Variants in GALNTL6 observed in about 807,000 individuals in gnomAD.
GALNTL6 encodes the protein polypeptide N-acetylgalactosaminyltransferase-like 6.
In GALNTL6, 46 loss-of-function variants were observed where a neutral mutation model predicts 73.7. The observed-to-expected ratio is 0.62, with a 90% CI of 0.49 to 0.80. The LOEUF is 0.80. Among genes scored for constraint, GALNTL6 ranks in the 30% least tolerant of loss-of-function variants. The pLI is 0.00. For missense variants in GALNTL6, 604 were observed against 755.0 expected, an observed-to-expected ratio of 0.80 and a Z score of 2.34; for synonymous variants, 259 against 263.7, an observed-to-expected ratio of 0.98 and a Z score of 0.17.
intron 5 of GALNTL6, among the ~76,000 whole-genome samples, chr4:172,472,777 A>G (rs1372050598): frequency 6.6e-6 from 1 of 152,172 alleles, no homozygotes; most frequent in African/African-American, 2.4e-5. Flanking sequence ...CAGAGGCTGG[A>G]AAAGGCAAGA....
At chr4:172,037,836 G>C (rs566242943) in intron 2 of GALNTL6, among the ~76,000 whole-genome samples, 1 of 152,250 alleles carries the variant, frequency 6.6e-6, no homozygotes, top group Non-Finnish European at 1.5e-5. Flanking sequence ...AAATTCTAGA[G>C]ACCGGGAGCG....
chr4:172,614,517 AGT>A (rs1345343592), intron 5 of GALNTL6, among the ~76,000 whole-genome samples: 1 of 152,166 alleles, frequency 6.6e-6, no homozygotes, highest in African/African-American at 2.4e-5. Flanking sequence ...GCAGAAGAAA[AGT>A]GTTTTTCACA....
intron 2 of GALNTL6, among the ~76,000 whole-genome samples, chr4:172,145,603 A>G (rs1319511136): frequency 6.6e-6 from 1 of 152,182 alleles, no homozygotes; most frequent in Non-Finnish European, 1.5e-5. Context: ...TTAAAAGGTT[A>G]TCTGTTTTAC....
chr4:172,332,571 C>G (rs1045920944), intron 4 of GALNTL6, among the ~76,000 whole-genome samples: 1 of 151,454 alleles, frequency 6.6e-6, no homozygotes, highest in African/African-American at 2.4e-5. Flanking sequence ...TGAAATTTGT[C>G]TACCTTATTT....
intron 8 of GALNTL6, among the ~76,000 whole-genome samples, chr4:172,927,136 G>C (rs529939444): frequency 6.6e-6 from 1 of 152,128 alleles, no homozygotes; most frequent in African/African-American, 2.4e-5. Flanking sequence ...AATTACTCAG[G>C]CTCTGAGGGA....
At chr4:172,479,074 A>G (rs567087742) in intron 5 of GALNTL6, among the ~76,000 whole-genome samples, 11 of 152,328 alleles carry the variant, frequency 7.2e-5, no homozygotes, top group African/African-American at 2.4e-4. Flanking sequence ...GGGAATGTGA[A>G]TTAGTACAGC....
At chr4:172,188,497 C>T (rs748943091) in intron 2 of GALNTL6, among the ~76,000 whole-genome samples, 1 of 152,176 alleles carries the variant, frequency 6.6e-6, no homozygotes, top group African/African-American at 2.4e-5. Context: ...ACGGTGTCTG[C>T]TCTCTTGGAT....
chr4:172,962,620 C>T (rs1750135928), intron 10 of GALNTL6, among the ~76,000 whole-genome samples: 1 of 152,100 alleles, frequency 6.6e-6, no homozygotes, highest in Admixed American at 6.5e-5. Flanking sequence ...CCACAAACCT[C>T]CAGCAATGTA....
At position 172,817,414 on chromosome 4, in the gene GALNTL6, C is replaced by T. The variant is rs1182335045; in HGVS notation, c.923+3691C>T. ...CCACTGCATTCAACCTGGGTGAGAC[C>T]CTATTGCAAAAAAAAAAAGTTGAAT... On this transcript the variant is annotated intron_variant, in intron 7 of 12. Transcript: ENST00000506823. Among the ~76,000 whole-genome samples the T allele has an allele frequency of 2.0e-5, 3 of 151,044 alleles. No homozygotes were observed. In the East Asian group the frequency reaches 5.8e-4, roughly 29 times the overall value.
At chr4:171,838,206 C>T (rs1050661405) in intron 2 of GALNTL6, among the ~76,000 whole-genome samples, 9 of 152,022 alleles carry the variant, frequency 5.9e-5, no homozygotes, top group East Asian at 1.9e-4. Flanking sequence ...TCACTGCAAC[C>T]TCTGTCTCCC....
At chr4:172,333,194 T>C (rs576706643) in intron 4 of GALNTL6, among the ~76,000 whole-genome samples, 1 of 152,110 alleles carries the variant, frequency 6.6e-6, no homozygotes, top group East Asian at 1.9e-4. Context: ...TCACCTGAGG[T>C]TGGGAGTTCG....
rs1560967582 is a variant in GALNTL6, at chr4:172,809,530, GC to G, written c.724del (p.Leu242CysfsTer10). 2 of 1,612,672 alleles carry G rather than the reference GC, an allele frequency of 1.2e-6. No individual in the cohort carries two copies. Among genetic ancestry groups the G allele is most frequent in the Non-Finnish European group, 1.7e-6 (2 of 1,179,340 alleles). The part of the protein sequence containing the change: ...DSHCEVNVNW[L>X]PPLLNQIALN... ...CCCACTGCGAGGTCAATGTGAACTG[GC>G]TGCCCCCACTCCTCAGTGAGTACAG... On this transcript the variant is annotated frameshift_variant, in exon 6 of 13. Transcript: ENST00000506823. LOFTEE classifies it high-confidence loss of function. This position sits in a 1 kb window ranked among gnomAD's most constrained non-coding sequence, Gnocchi z 4.4.
intron 11 of GALNTL6, among the ~76,000 whole-genome samples, chr4:173,009,798 C>G (rs1216726620): frequency 6.6e-6 from 1 of 152,162 alleles, no homozygotes; most frequent in Non-Finnish European, 1.5e-5. Flanking sequence ...AACAGCACCC[C>G]AACATGGACT....
At chr4:172,304,565 T>A (rs879280777) in intron 3 of GALNTL6, among the ~76,000 whole-genome samples, 1 of 152,226 alleles carries the variant, frequency 6.6e-6, no homozygotes, top group Non-Finnish European at 1.5e-5. Context: ...TTTCAGCTGC[T>A]TATTGCTCAA....
At chr4:171,989,360 G>T (rs1042851526) in intron 2 of GALNTL6, among the ~76,000 whole-genome samples, 1 of 152,176 alleles carries the variant, frequency 6.6e-6, no homozygotes, top group Non-Finnish European at 1.5e-5. Context: ...CATTCCAGGG[G>T]CTCTGGGAGT....
At chr4:172,501,931 C>T (rs1734275772) in intron 5 of GALNTL6, among the ~76,000 whole-genome samples, 2 of 152,056 alleles carry the variant, frequency 1.3e-5, no homozygotes, top group African/African-American at 2.4e-5. Flanking sequence ...CATTTTAATA[C>T]ACAGTAGATA....
intron 2 of GALNTL6, among the ~76,000 whole-genome samples, chr4:171,972,100 A>G (rs1739589059): frequency 6.6e-6 from 1 of 152,160 alleles, no homozygotes; most frequent in Non-Finnish European, 1.5e-5. Context: ...TGCTTCTGTC[A>G]TGTTTGTTAA....
At chr4:172,946,925 G>T (rs1366033082) in intron 9 of GALNTL6, among the ~76,000 whole-genome samples, 1 of 152,146 alleles carries the variant, frequency 6.6e-6, no homozygotes, top group African/African-American at 2.4e-5. Context: ...CAATGAGAAA[G>T]ATGAATTGCC....
intron 2 of GALNTL6, among the ~76,000 whole-genome samples, chr4:172,134,081 A>G (rs556909039): frequency 6.6e-6 from 1 of 152,196 alleles, no homozygotes; most frequent in South Asian, 2.1e-4. Context: ...TTATGAGGGT[A>G]TGGATTAAGA....
Sources: gnomAD v4.1 joint callset for allele counts (sites outside exome capture counted in the v4.1 genomes callset) on GRCh38, gnomAD v4.1.1 for gene constraint, Gnocchi (gnomAD v3.1) non-coding constraint, MANE v1.5 for transcripts, NCBI Gene and HGNC (gene_info 2026-07-23, HGNC 2026-07-21) for gene names.